The following ASIC2 variants were observed in gnomAD, a reference collection of about 807,000 sequenced individuals.
ASIC2 encodes acid-sensing ion channel 2.
In ASIC2, 25 loss-of-function variants were observed where a neutral mutation model predicts 57.3. The ratio of observed to expected loss-of-function variants is 0.44; its 90% CI spans 0.32 to 0.61. ASIC2 has a LOEUF of 0.61. Ranked by LOEUF, ASIC2 falls within the 20% of genes least tolerant of loss-of-function variation. The pLI, the probability that ASIC2 is intolerant of heterozygous loss-of-function variation, is 0.06. For missense variants in ASIC2, 641 were observed against 738.1 expected (o/e 0.87, Z 1.52); for synonymous variants, 319 against 307.5 (o/e 1.04, Z -0.39).
At chr17:34,097,484 G>A (rs891405024) in intron 1 of ASIC2, among the ~76,000 whole-genome samples, 20 of 152,142 alleles carry the variant, frequency 1.3e-4, no homozygotes, top group Admixed American at 7.9e-4. Flanking sequence ...TTGGAAATAA[G>A]GTCATTGCAG....
chr17:33,109,501 T>G (rs1371086624), intron 2 of ASIC2, among the ~76,000 whole-genome samples: 1 of 152,138 alleles, frequency 6.6e-6, no homozygotes, highest in Admixed American at 6.5e-5. Flanking sequence ...ATCGTCTAAG[T>G]GAGTGTGCTG....
At chr17:33,620,254 A>C (rs969935206) in intron 1 of ASIC2, among the ~76,000 whole-genome samples, 5 of 151,766 alleles carry the variant, frequency 3.3e-5, no homozygotes, top group Non-Finnish European at 5.9e-5. Flanking sequence ...AAAAAAAAAA[A>C]AAAAAAACAC....
chr17:33,044,002 A>G (rs1412843795), intron 3 of ASIC2, among the ~76,000 whole-genome samples: 1 of 152,222 alleles, frequency 6.6e-6, no homozygotes, highest in African/African-American at 2.4e-5. Context: ...AAAAATGTCT[A>G]TGAGTGGGAG....
chr17:33,553,044 G>A (rs1235972982), intron 1 of ASIC2, among the ~76,000 whole-genome samples: 1 of 152,096 alleles, frequency 6.6e-6, no homozygotes, highest in African/African-American at 2.4e-5. Flanking sequence ...TGTTCTTTGG[G>A]GCTTAGGACT....
At chr17:33,722,147 G>C (rs1175339279) in intron 1 of ASIC2, among the ~76,000 whole-genome samples, 1 of 152,154 alleles carries the variant, frequency 6.6e-6, no homozygotes, top group Non-Finnish European at 1.5e-5. Flanking sequence ...GAATCATGGG[G>C]GTGGGATTTT....
intron 1 of ASIC2, among the ~76,000 whole-genome samples, chr17:33,156,727 G>A (rs1382777145): frequency 6.6e-6 from 1 of 152,082 alleles, no homozygotes; most frequent in Non-Finnish European, 1.5e-5. Context: ...CTGCACTCCA[G>A]CCTGGGCGAC....
chr17:33,897,084 A>G (rs71379425), intron 1 of ASIC2, among the ~76,000 whole-genome samples: 398 of 152,316 alleles, frequency 2.6e-3, no homozygotes, highest in African/African-American at 9.1e-3. Context: ...ACATTGGGAA[A>G]TAGGGGTTAT....
At chr17:33,661,546 T>G (rs1161267989) in intron 1 of ASIC2, among the ~76,000 whole-genome samples, 1 of 152,222 alleles carries the variant, frequency 6.6e-6, no homozygotes, top group Admixed American at 6.5e-5. Context: ...GACCTCGGTT[T>G]CCCTATCTTA....
At position 33,014,063 on chromosome 17, in the gene ASIC2, T is replaced by G. The variant is rs2091793402; in HGVS notation, c.1594A>C (p.Thr532Pro). 6.3e-7 allele frequency: 1 copy of G among 1,595,398 alleles called. No homozygotes were observed. The highest frequency in any genetic ancestry group is 2.3e-5 in the East Asian group (1 of 44,118). Reference sequence around the variant, plus strand: ...GAGTGGTTTGGCATTGTGTCACAAGTACTCTGGAAGGGAAGGGTTGGTGGG... The same window carrying G: ...GAGTGGTTTGGCATTGTGTCACAAGGACTCTGGAAGGGAAGGGTTGGTGGG... Reference protein sequence around the residue: ...DEGSHDENVSTCDTMPNHSET... With the variant: ...DEGSHDENVSPCDTMPNHSET... Residue 532 changes from threonine (T) to proline (P), a missense_variant, in exon 10 of 10, where the codon ACT becomes CCT. Coordinates refer to ENST00000225823, the MANE Select transcript of ASIC2 (RefSeq NM_183377.2).
At chr17:33,545,537 T>C (rs1223499283) in intron 1 of ASIC2, among the ~76,000 whole-genome samples, 1 of 152,174 alleles carries the variant, frequency 6.6e-6, no homozygotes, top group African/African-American at 2.4e-5. Flanking sequence ...GAGAAACATC[T>C]GCTTCATTTT....
intron 1 of ASIC2, among the ~76,000 whole-genome samples, chr17:33,759,123 G>C (rs1010075403): frequency 2.0e-5 from 3 of 152,164 alleles, no homozygotes; most frequent in Admixed American, 6.5e-5. Flanking sequence ...CCAGAATACT[G>C]GTAGAAATAT....
At chr17:33,681,470 G>C (rs543703513) in intron 1 of ASIC2, among the ~76,000 whole-genome samples, 59 of 139,210 alleles carry the variant, frequency 4.2e-4, no homozygotes, top group African/African-American at 1.8e-3. Context: ...ATGTGGGTTG[G>C]GAACTACCAG....
At chr17:33,222,125 G>A (rs374412998) in intron 1 of ASIC2, among the ~76,000 whole-genome samples, 1 of 152,094 alleles carries the variant, frequency 6.6e-6, no homozygotes, top group African/African-American at 2.4e-5. Context: ...AGTGACTGGG[G>A]GAATTCTTGT....
chr17:34,022,545 C>A (rs1907205915), intron 1 of ASIC2, among the ~76,000 whole-genome samples: 1 of 151,722 alleles, frequency 6.6e-6, no homozygotes, highest in Admixed American at 6.6e-5. Context: ...CTGCTATGTG[C>A]CAAGAACTAT....
chr17:33,202,672 T>C (rs1243157466), intron 1 of ASIC2, among the ~76,000 whole-genome samples: 1 of 152,156 alleles, frequency 6.6e-6, no homozygotes, highest in Non-Finnish European at 1.5e-5. Flanking sequence ...TAGATAAGAG[T>C]TGCTATGGAG....
intron 3 of ASIC2, among the ~76,000 whole-genome samples, chr17:33,065,946 G>T (rs2141944675): frequency 6.6e-6 from 1 of 152,266 alleles, no homozygotes; most frequent in Middle Eastern, 3.4e-3. Flanking sequence ...AGTGATAAAG[G>T]TAGGGCTGGG....
Position 33,878,944 on chromosome 17 carries a change from G to A in ASIC2, c.555+277034C>T, listed in dbSNP as rs1484172433. Among the ~76,000 whole-genome samples, 3 of 152,264 alleles carry A rather than the reference G, an allele frequency of 2.0e-5. No individual in the cohort carries two copies. In the East Asian group the frequency reaches 5.8e-4, roughly 29 times the overall value. On this transcript the variant is annotated intron_variant, in intron 1 of 9. Coordinates refer to the ASIC2 transcript ENST00000359872. ...CTCTACAAGCCAGAAGAGAGTGGGG[G>A]CCAATATTCAACATTCTTAAAGAAA...
At position 33,419,119 on chromosome 17, in the gene ASIC2, G is replaced by T. The variant is rs796582484; in HGVS notation, c.556-307052C>A. On this transcript the variant is annotated intron_variant, in intron 1 of 9. Transcript: ENST00000359872. ...AGTATGGTAATAAAAAAGAATCAGA[G>T]ACATCAGAGAAAGAGGGAGCCCATG... Among the ~76,000 whole-genome samples the T allele has an allele frequency of 1.6e-4, 25 of 152,292 alleles. 1 individual carries two copies. The highest frequency in any genetic ancestry group is 5.8e-4 in the African/African-American group (24 of 41,562).
At chr17:33,254,613 C>A (rs1445168685) in intron 1 of ASIC2, among the ~76,000 whole-genome samples, 1 of 152,134 alleles carries the variant, frequency 6.6e-6, no homozygotes, top group Non-Finnish European at 1.5e-5. Flanking sequence ...GACCTCTATT[C>A]ATCCTTCAGA....
Sources: gnomAD v4.1 joint callset for allele counts (sites outside exome capture counted in the v4.1 genomes callset) on GRCh38, gnomAD v4.1.1 for gene constraint, MANE v1.5 for transcripts, NCBI Gene and HGNC (gene_info 2026-07-23, HGNC 2026-07-21) for gene names.